The following PHKB variants were observed in gnomAD, a reference collection of about 807,000 sequenced individuals.
PHKB encodes the protein phosphorylase kinase regulatory subunit beta.
PHKB carries 122 observed loss-of-function variants against 152.1 expected under a neutral mutation model. The ratio of observed to expected loss-of-function variants is 0.80; its 90% confidence interval spans 0.69 to 0.93. The LOEUF (loss-of-function observed/expected upper bound fraction) is 0.93, where lower values mean the gene tolerates loss of function less well. Among genes scored for constraint, PHKB ranks in the 40% least tolerant of loss-of-function variants. PHKB has a pLI of 0.00. For synonymous variants in PHKB, 436 were observed against 464.9 expected, an observed-to-expected ratio of 0.94 and a Z score of 0.80; for missense variants, 1,304 against 1,328.4, an observed-to-expected ratio of 0.98 and a Z score of 0.29.
chr16:47,550,489 C>T (rs1399372219), intron 7 of PHKB, among the ~76,000 whole-genome samples: 1 of 152,228 alleles, frequency 6.6e-6, no homozygotes, highest in African/African-American at 2.4e-5. Flanking sequence ...CTGACACTTT[C>T]TCTGCCGCTC....
intron 13 of PHKB, among the ~76,000 whole-genome samples, chr16:47,598,313 T>C (rs1176232006): frequency 6.6e-6 from 1 of 152,142 alleles, no homozygotes; most frequent in Non-Finnish European, 1.5e-5. Flanking sequence ...CTTGAAAAAT[T>C]AAATGATGTA....
intron 25 of PHKB, 85 bp from the exon 26 acceptor site, chr16:47,669,130 C>T: frequency 1.0e-6 from 1 of 966,496 alleles, no homozygotes; most frequent in South Asian, 1.3e-5. Flanking sequence ...TTTCAGCCTG[C>T]CAGTCATTCT....
intron 14 of PHKB, among the ~76,000 whole-genome samples, chr16:47,632,337 G>A (rs189530503): frequency 1.3e-5 from 2 of 152,256 alleles, no homozygotes; most frequent in Admixed American, 1.3e-4. Flanking sequence ...ATCAAAAGGT[G>A]TAAAGATGAC....
chr16:47,577,090 T>C (rs1971761928), intron 7 of PHKB, among the ~76,000 whole-genome samples: 1 of 152,222 alleles, frequency 6.6e-6, no homozygotes, highest in Non-Finnish European at 1.5e-5. Context: ...CTATTTTTCA[T>C]CTTTCTGTTT....
chr16:47,571,242 A>G (rs1352048204), intron 7 of PHKB, among the ~76,000 whole-genome samples: 1 of 152,180 alleles, frequency 6.6e-6, no homozygotes, highest in Non-Finnish European at 1.5e-5. Flanking sequence ...TCACTAGGGT[A>G]GAATACTTCA....
intron 7 of PHKB, among the ~76,000 whole-genome samples, chr16:47,549,281 C>G (rs1049181477): frequency 1.3e-5 from 2 of 152,166 alleles, no homozygotes; most frequent in Non-Finnish European, 2.9e-5. Context: ...CTTTTCAGTA[C>G]ATATGATTAT....
At chr16:47,612,659 AC>A (rs1226610146) in intron 14 of PHKB, among the ~76,000 whole-genome samples, 1 of 152,208 alleles carries the variant, frequency 6.6e-6, no homozygotes, top group Non-Finnish European at 1.5e-5. Flanking sequence ...TCCTGTAGCC[AC>A]GTGGCAGATT....
At chr16:47,568,281 A>G (rs1971601833) in intron 7 of PHKB, among the ~76,000 whole-genome samples, 1 of 152,306 alleles carries the variant, frequency 6.6e-6, no homozygotes, top group South Asian at 2.1e-4. Context: ...GTTTCTAGGA[A>G]TCTATCCATT....
At position 47,664,895 on chromosome 16, in the gene PHKB, C is replaced by G; in HGVS notation, c.2347C>G (p.Arg783Gly). 2 of 1,612,390 alleles carry G rather than the reference C, an allele frequency of 1.2e-6. No homozygotes were observed. Among genetic ancestry groups the G allele is most frequent in the Non-Finnish European group, 1.7e-6 (2 of 1,178,690 alleles). ...CACTGACACACCCAGGTTGGCGGTGCGCTACGGGGCTGCATTTACCCAGAA... is the reference window on the plus strand; with the variant it reads ...CACTGACACACCCAGGTTGGCGGTGGGCTACGGGGCTGCATTTACCCAGAA... ...AGSQKLWLAV[R>G]YGAAFTQKFS... Residue 783 changes from arginine to glycine, a missense_variant, in exon 25 of 31, where the codon CGC becomes GGC. Transcript: ENST00000323584.
intron 29 of PHKB, among the ~76,000 whole-genome samples, chr16:47,697,463 C>T (rs547337217): frequency 2.6e-5 from 4 of 152,312 alleles, no homozygotes; most frequent in African/African-American, 9.6e-5. Flanking sequence ...ACATAGAGAT[C>T]CTTCTTGTTG....
chr16:47,569,482 G>A (rs779529141), intron 7 of PHKB, among the ~76,000 whole-genome samples: 45 of 152,156 alleles, frequency 3.0e-4, no homozygotes, highest in Admixed American at 4.6e-4. Context: ...TATCTTTTAA[G>A]TGGGGCATTA....
At chr16:47,475,935 A>C (rs1473923411) in intron 1 of PHKB, among the ~76,000 whole-genome samples, 2 of 152,164 alleles carry the variant, frequency 1.3e-5, no homozygotes, top group African/African-American at 2.4e-5. Context: ...TCGTGCAGTC[A>C]TAGCTCATTG....
At chr16:47,627,333 G>A (rs1972728783) in intron 14 of PHKB, among the ~76,000 whole-genome samples, 1 of 152,230 alleles carries the variant, frequency 6.6e-6, no homozygotes, top group Non-Finnish European at 1.5e-5. Context: ...TTTCTATGCA[G>A]TATGCAAGAC....
chr16:47,544,132 T>C (rs1359594974), intron 6 of PHKB, among the ~76,000 whole-genome samples: 1 of 152,180 alleles, frequency 6.6e-6, no homozygotes, highest in East Asian at 1.9e-4. Context: ...TCTCCTAGCT[T>C]TTGAATGTGT....
chr16:47,533,251 C>A (rs1970893136), intron 6 of PHKB, among the ~76,000 whole-genome samples: 1 of 152,150 alleles, frequency 6.6e-6, no homozygotes, highest in Non-Finnish European at 1.5e-5. Context: ...CTTTTATGGG[C>A]CTCAGGGGTG....
intron 8 of PHKB, among the ~76,000 whole-genome samples, chr16:47,582,269 T>G (rs1338706222): frequency 6.6e-6 from 1 of 152,212 alleles, no homozygotes; most frequent in Non-Finnish European, 1.5e-5. Context: ...TGAGTCTTAG[T>G]GTATGTTGCT....
At chr16:47,473,295 G>C (rs902226525) in intron 1 of PHKB, among the ~76,000 whole-genome samples, 12 of 133,178 alleles carry the variant, frequency 9.0e-5, no homozygotes, top group African/African-American at 3.4e-4. Flanking sequence ...GGCTGGTCTG[G>C]AACTCCCAGT....
At chr16:47,551,681 G>A (rs1971273188) in intron 7 of PHKB, among the ~76,000 whole-genome samples, 1 of 152,198 alleles carries the variant, frequency 6.6e-6, no homozygotes, top group Non-Finnish European at 1.5e-5. Context: ...TGAGAAGAAT[G>A]TATATTCTGT....
At chr16:47,632,846 C>G (rs550697539) in intron 14 of PHKB, among the ~76,000 whole-genome samples, 10 of 152,184 alleles carry the variant, frequency 6.6e-5, no homozygotes, top group African/African-American at 2.4e-4. Flanking sequence ...ACTACTTTGA[C>G]CTGATTTGAG....
Sources: allele counts gnomAD v4.1 joint callset (sites outside exome capture counted in the v4.1 genomes callset), GRCh38; gene constraint gnomAD v4.1.1; transcripts MANE v1.5; gene names NCBI Gene and HGNC (gene_info 2026-07-23, HGNC 2026-07-21).